Variants in AGAP1 observed in about 807,000 individuals in gnomAD.
AGAP1 encodes the protein ArfGAP with GTPase domain, ankyrin repeat and PH domain 1, also known as arf-GAP with GTPase, ANK repeat and PH domain-containing protein 1.
Under a neutral mutation model 105.3 loss-of-function variants are expected in AGAP1, and 29 were observed. That is an observed-to-expected ratio of 0.28 (90% confidence interval 0.21 to 0.38). AGAP1 has a LOEUF of 0.38. AGAP1 is among the 10% of genes least tolerant of loss of function. The pLI is 1.00. For missense variants in AGAP1, 998 were observed against 1,165.1 expected (o/e 0.86, Z 2.09); for synonymous variants, 509 against 485.9 (o/e 1.05, Z -0.63).
intron 9 of AGAP1, among the ~76,000 whole-genome samples, chr2:235,878,871 G>A (rs1034392941): frequency 6.6e-6 from 1 of 152,240 alleles, no homozygotes; most frequent in Admixed American, 6.5e-5. Context: ...CCCTGCAAGG[G>A]ACTCAGGTGA....
chr2:235,542,952 C>G (rs769050824), intron 1 of AGAP1, among the ~76,000 whole-genome samples: 1 of 152,196 alleles, frequency 6.6e-6, no homozygotes, highest in East Asian at 1.9e-4. Flanking sequence ...CTTCGTTTTC[C>G]TGACCTGGGG....
At chr2:235,661,831 C>T (rs1157822180) in intron 1 of AGAP1, among the ~76,000 whole-genome samples, 1 of 152,150 alleles carries the variant, frequency 6.6e-6, no homozygotes, top group East Asian at 1.9e-4. Context: ...GACAGTGATA[C>T]AGTGATGTCC....
chr2:235,567,750 CAGGGTGGGAA>C (rs1479469792), intron 1 of AGAP1, among the ~76,000 whole-genome samples: 1 of 10,132 alleles, frequency 9.9e-5, no homozygotes, highest in Non-Finnish European at 1.9e-4. Flanking sequence ...GGGGGGTGGG[CAGGGTGGGAA>C]TTGTCCACTG....
intron 13 of AGAP1, among the ~76,000 whole-genome samples, chr2:235,975,442 T>C (rs2054820348): frequency 6.6e-6 from 1 of 152,060 alleles, no homozygotes; most frequent in Non-Finnish European, 1.5e-5. Flanking sequence ...GCTTGAGCCA[T>C]TGCTGGGTAG....
At chr2:235,937,924 C>T (rs1038042022) in intron 12 of AGAP1, among the ~76,000 whole-genome samples, 2 of 152,238 alleles carry the variant, frequency 1.3e-5, no homozygotes, top group Non-Finnish European at 1.5e-5. Context: ...GTTTCGCTTC[C>T]TTGGCCCCTT....
At chr2:235,707,251 G>A (rs79841226) in intron 1 of AGAP1, among the ~76,000 whole-genome samples, 4,851 of 152,270 alleles carry the variant, frequency 0.032, 272 homozygotes, top group African/African-American at 0.11. Flanking sequence ...CTGCAGATGG[G>A]CCTCTGCCGG....
At position 235,911,914 on chromosome 2, in the gene AGAP1, G is replaced by C. The variant is rs151127172; in HGVS notation, c.1324+3008G>C. Among the ~76,000 whole-genome samples the C allele has an allele frequency of 5.3e-5, 8 of 152,372 alleles. No homozygotes were observed. In the East Asian group the frequency reaches 1.5e-3, roughly 29 times the overall value. On this transcript the variant is annotated intron_variant, in intron 11 of 17. Transcript: ENST00000304032. ...AGTGGAGGTATGACCTTAGCACAGA[G>C]GCGTTGCCACTTTGGGAAGAAGAAA... is the stretch of plus-strand genomic sequence containing the variant.
At position 236,083,592 on chromosome 2, in the gene AGAP1, T is replaced by G. The variant is rs2058844948; in HGVS notation, c.2114+34311T>G. On this transcript the variant is annotated intron_variant, in intron 16 of 17. Coordinates refer to ENST00000304032, the MANE Select transcript of AGAP1 (RefSeq NM_001037131.3). This position sits in a 1 kb window ranked among gnomAD's most constrained non-coding sequence, Gnocchi z 5.3. ...TGCATGCTCACACCCATGCCTACATTAGAAAGAGAAGTACCCCAAATTTGG... is the reference window on the plus strand; with the variant it reads ...TGCATGCTCACACCCATGCCTACATGAGAAAGAGAAGTACCCCAAATTTGG... 6.6e-6 allele frequency among the ~76,000 whole-genome samples: 1 copy of G among 152,202 alleles called. No individual in the cohort carries two copies. The highest frequency in any genetic ancestry group is 2.1e-4 in the South Asian group (1 of 4,830).
intron 6 of AGAP1, among the ~76,000 whole-genome samples, chr2:235,772,179 TA>T (rs1354425621): frequency 6.6e-6 from 1 of 151,142 alleles, no homozygotes; most frequent in East Asian, 1.9e-4. Flanking sequence ...TTTGTATTTT[TA>T]GTAGAGACAG....
At chr2:235,680,327 G>A (rs1948994985) in intron 1 of AGAP1, among the ~76,000 whole-genome samples, 1 of 152,320 alleles carries the variant, frequency 6.6e-6, no homozygotes, top group East Asian at 1.9e-4. Context: ...TGTTGGGCCT[G>A]AGCCCTTGTA....
In AGAP1 at chr2:235,689,116, T is replaced by TA. The variant is rs1452929663; in HGVS notation, c.164-20061dup. On this transcript the variant is annotated intron_variant, in intron 1 of 17. Transcript: ENST00000304032. This position sits in a 1 kb window ranked among gnomAD's most constrained non-coding sequence, Gnocchi z 4.2. ...ACGTATTTATAGAGCAATGAAGAAA[T>TA]AAGCCCAAGGCTATCCCATGAGTTA... Among the ~76,000 whole-genome samples, 1 of 152,192 alleles carries TA rather than the reference T, an allele frequency of 6.6e-6. No homozygotes were observed. The highest frequency in any genetic ancestry group is 2.4e-5 in the African/African-American group (1 of 41,442).
chr2:235,532,903 T>C (rs779087876), intron 1 of AGAP1, among the ~76,000 whole-genome samples: 9 of 152,312 alleles, frequency 5.9e-5, no homozygotes, highest in Middle Eastern at 3.4e-3. Flanking sequence ...ACCCACCCAG[T>C]GCTGCTTTTG....
chr2:235,674,304 T>C (rs1948604605), intron 1 of AGAP1, among the ~76,000 whole-genome samples: 1 of 152,216 alleles, frequency 6.6e-6, no homozygotes, highest in South Asian at 2.1e-4. Flanking sequence ...ACACATGTGT[T>C]AGGGCAGAGT....
Position 235,801,213 on chromosome 2 carries a change from C to T in AGAP1, c.957+1691C>T, listed in dbSNP as rs1036449673. ...CAGACAGACCAAGCTCCCATCCCGGCCTCCGCTGCTGACGGATGTTTGACC... is the reference window on the plus strand; with the variant it reads ...CAGACAGACCAAGCTCCCATCCCGGTCTCCGCTGCTGACGGATGTTTGACC... On this transcript the variant is annotated intron_variant, in intron 8 of 17. Coordinates refer to ENST00000304032, the MANE Select transcript of AGAP1 (RefSeq NM_001037131.3). This position sits in a 1 kb window ranked among gnomAD's most constrained non-coding sequence, Gnocchi z 6.0. 1.3e-5 allele frequency among the ~76,000 whole-genome samples: 2 copies of T among 152,154 alleles called. No individual in the cohort carries two copies. Among genetic ancestry groups the T allele is most frequent in the Non-Finnish European group, 2.9e-5 (2 of 68,046 alleles).
At chr2:235,903,245 C>T (rs1205678197) in intron 10 of AGAP1, among the ~76,000 whole-genome samples, 1 of 151,970 alleles carries the variant, frequency 6.6e-6, no homozygotes, top group Admixed American at 6.6e-5. Context: ...TATTTTTTTC[C>T]ATCATTTAAC....
Position 235,621,265 on chromosome 2 carries a change from G to T in AGAP1, c.164-87914G>T, listed in dbSNP as rs1324973929. On this transcript the variant is annotated intron_variant, in intron 1 of 17. Coordinates refer to ENST00000304032, the MANE Select transcript of AGAP1 (RefSeq NM_001037131.3). The surrounding 1 kb of genome is among the most constrained non-coding windows in gnomAD (Gnocchi z 4.1). ...TTGAACTCCTGACCTCTGGTGATCC[G>T]CCCACCTCGGCCTCCCAAAGTGCTA... Among the ~76,000 whole-genome samples the T allele has an allele frequency of 6.6e-6, 1 of 152,062 alleles. No individual in the cohort carries two copies. Among genetic ancestry groups the T allele is most frequent in the African/African-American group, 2.4e-5 (1 of 41,400 alleles).
chr2:235,682,269 A>C (rs2149402221), intron 1 of AGAP1, among the ~76,000 whole-genome samples: 1 of 152,068 alleles, frequency 6.6e-6, no homozygotes, highest in African/African-American at 2.4e-5. Context: ...GGCATATTTC[A>C]TTTTCACTCT....
intron 11 of AGAP1, among the ~76,000 whole-genome samples, chr2:235,921,537 G>T (rs1251665193): frequency 2.6e-5 from 4 of 152,172 alleles, no homozygotes; most frequent in Non-Finnish European, 1.5e-5. Flanking sequence ...CATACAATGA[G>T]CTGTTTCTAC....
At chr2:236,098,399 C>CT (rs1406696731) in intron 16 of AGAP1, among the ~76,000 whole-genome samples, 25 of 151,942 alleles carry the variant, frequency 1.6e-4, no homozygotes, top group African/African-American at 6.0e-4. Context: ...GATGAAACTT[C>CT]ATCTTTGCTA....
Sources: gnomAD v4.1 joint callset for allele counts (sites outside exome capture counted in the v4.1 genomes callset) on GRCh38, gnomAD v4.1.1 for gene constraint, Gnocchi (gnomAD v3.1) non-coding constraint, MANE v1.5 for transcripts, NCBI Gene and HGNC (gene_info 2026-07-23, HGNC 2026-07-21) for gene names.